The following AKR1C8 variants were observed in gnomAD, a reference collection of about 807,000 sequenced individuals.
AKR1C8 encodes aldo-keto reductase family 1 member C-like protein 1.
At chr10:5,128,320 T>C in the AKR1C8 span, among the ~76,000 whole-genome samples, 9 of 152,100 alleles carry the variant, frequency 5.9e-5, no homozygotes, top group Admixed American at 5.9e-4. Flanking sequence ...TACACCACAA[T>C]GGAACCTCCT....
chr10:5,123,494 C>T, the AKR1C8 span: 21 of 485,162 alleles, frequency 4.3e-5, no homozygotes, highest in East Asian at 4.0e-4. Context: ...GTTTGTTAGG[C>T]GGCTCCCTAA....
At chr10:5,139,344 A>G in the AKR1C8 span, among the ~76,000 whole-genome samples, 33,469 of 152,146 alleles carry the variant, frequency 0.22, 4,487 homozygotes, top group East Asian at 0.62. Flanking sequence ...CATTGCCAAG[A>G]CAATCCTAAG....
chr10:5,153,394 T>C, the AKR1C8 span, among the ~76,000 whole-genome samples: 19 of 152,202 alleles, frequency 1.2e-4, no homozygotes, highest in African/African-American at 4.6e-4. Flanking sequence ...TGGAAAAATA[T>C]GGTAGTTATT....
the AKR1C8 span, among the ~76,000 whole-genome samples, chr10:5,129,478 A>C: frequency 6.6e-6 from 1 of 152,066 alleles, no homozygotes; most frequent in Non-Finnish European, 1.5e-5. Context: ...TCAATGAAAG[A>C]TAAAGCTGGT....
chr10:5,131,328 A>G, the AKR1C8 span, among the ~76,000 whole-genome samples: 1 of 152,112 alleles, frequency 6.6e-6, no homozygotes, highest in Non-Finnish European at 1.5e-5. Flanking sequence ...AAATAAATAA[A>G]TGGGACCTAA....
At chr10:5,143,912 ACT>A in the AKR1C8 span, among the ~76,000 whole-genome samples, 3 of 151,770 alleles carry the variant, frequency 2.0e-5, no homozygotes, top group Admixed American at 1.3e-4. Context: ...AATACTAAAG[ACT>A]CTATTTCCAA....
At chr10:5,167,326 C>T in the AKR1C8 span, among the ~76,000 whole-genome samples, 1 of 152,310 alleles carries the variant, frequency 6.6e-6, no homozygotes, top group Admixed American at 6.5e-5. Context: ...TATAAAGACA[C>T]ATGCACACAT....
chr10:5,137,033 T>C, the AKR1C8 span, among the ~76,000 whole-genome samples: 1 of 152,172 alleles, frequency 6.6e-6, no homozygotes, highest in South Asian at 2.1e-4. Flanking sequence ...GTTTACACTA[T>C]TTTATATTAG....
the AKR1C8 span, among the ~76,000 whole-genome samples, chr10:5,169,436 C>T: frequency 6.6e-6 from 1 of 152,104 alleles, no homozygotes; most frequent in Non-Finnish European, 1.5e-5. Flanking sequence ...GGCCATGATT[C>T]TGTTGGTTAA....
chr10:5,146,189 G>A, the AKR1C8 span, among the ~76,000 whole-genome samples: 2 of 130,864 alleles, frequency 1.5e-5, no homozygotes, highest in Admixed American at 1.6e-4. Flanking sequence ...CACACTCTGG[G>A]GGACTGTTGT....
the AKR1C8 span, among the ~76,000 whole-genome samples, chr10:5,165,708 T>C: frequency 6.6e-6 from 1 of 152,174 alleles, no homozygotes; most frequent in Non-Finnish European, 1.5e-5. Context: ...AGTCTCATTC[T>C]CTAGAAATTC....
chr10:5,144,690 A>G, the AKR1C8 span, among the ~76,000 whole-genome samples: 1 of 152,100 alleles, frequency 6.6e-6, no homozygotes, highest in East Asian at 1.9e-4. Context: ...TTGGTGTATA[A>G]GAATGCTTGT....
At chr10:5,118,756 A>G in the AKR1C8 span, among the ~76,000 whole-genome samples, 2,120 of 152,252 alleles carry the variant, frequency 0.014, 57 homozygotes, top group African/African-American at 0.049. Flanking sequence ...CCAATCATCA[A>G]TTGATTTTTA....
At chr10:5,138,943 T>C in the AKR1C8 span, among the ~76,000 whole-genome samples, 1 of 152,216 alleles carries the variant, frequency 6.6e-6, no homozygotes, top group Admixed American at 6.5e-5. Flanking sequence ...CTTAAGCTGA[T>C]AAGCAACTTC....
the AKR1C8 span, among the ~76,000 whole-genome samples, chr10:5,139,274 T>G: frequency 2.0e-5 from 3 of 152,188 alleles, no homozygotes; most frequent in African/African-American, 7.2e-5. Flanking sequence ...TACCAATGAC[T>G]TTCTTCACAG....
At chr10:5,124,442 T>C in the AKR1C8 span, among the ~76,000 whole-genome samples, 1 of 152,128 alleles carries the variant, frequency 6.6e-6, no homozygotes, top group African/African-American at 2.4e-5. Context: ...CTGAGAGGAA[T>C]AACTATTTCT....
chr10:5,152,606 G>A, the AKR1C8 span, among the ~76,000 whole-genome samples: 5 of 152,194 alleles, frequency 3.3e-5, no homozygotes, highest in Non-Finnish European at 5.9e-5. Context: ...TGGAAATGCT[G>A]TGGGGAAGAG....
At chr10:5,159,798 C>T in the AKR1C8 span, 1 of 470,740 alleles carries the variant, frequency 2.1e-6, no homozygotes, top group South Asian at 1.6e-5. Flanking sequence ...CAGAAGACAT[C>T]AAGCAGAAAC....
chr10:5,139,860 A>C, the AKR1C8 span, among the ~76,000 whole-genome samples: 1 of 152,190 alleles, frequency 6.6e-6, no homozygotes, highest in Non-Finnish European at 1.5e-5. Flanking sequence ...TGAACAGGCA[A>C]CCTACAGAAT....
Sources: allele counts gnomAD v4.1 joint callset (sites outside exome capture counted in the v4.1 genomes callset), GRCh38; gene constraint gnomAD v4.1.1; transcripts MANE v1.5; gene names NCBI Gene and HGNC (gene_info 2026-07-23, HGNC 2026-07-21).